Variants in PLXDC2 observed in about 807,000 individuals in gnomAD.
PLXDC2 encodes the protein plexin domain-containing protein 2.
In PLXDC2, 40 loss-of-function variants were observed where a neutral mutation model predicts 68.9. That is an observed-to-expected ratio of 0.58 (90% CI 0.45 to 0.76). The LOEUF is 0.76. Ranked by LOEUF, PLXDC2 falls within the 30% of genes least tolerant of loss-of-function variation. PLXDC2 has a pLI of 0.00. For synonymous variants in PLXDC2, 243 were observed against 234.2 expected (o/e 1.04, Z -0.34); for missense variants, 644 against 661.9 (o/e 0.97, Z 0.30).
intron 3 of PLXDC2, among the ~76,000 whole-genome samples, chr10:20,054,183 CA>C (rs1835953228): frequency 6.6e-6 from 1 of 151,824 alleles, no homozygotes; most frequent in South Asian, 2.1e-4. Context: ...TGATTGTGCC[CA>C]AACTGAGTTG....
chr10:19,922,637 T>A (rs1365312463), intron 1 of PLXDC2, among the ~76,000 whole-genome samples: 2 of 152,192 alleles, frequency 1.3e-5, no homozygotes, highest in Non-Finnish European at 2.9e-5. Flanking sequence ...TACGGCTTAG[T>A]TGTATGGAAC....
chr10:19,966,505 T>G (rs1834267039), intron 1 of PLXDC2, among the ~76,000 whole-genome samples: 1 of 124,876 alleles, frequency 8.0e-6, no homozygotes, highest in Non-Finnish European at 1.7e-5. Flanking sequence ...ATGATATAGA[T>G]ATAGAAATAG....
Position 20,081,527 on chromosome 10 carries a change from A to G in PLXDC2, c.541+13288A>G, listed in dbSNP as rs980599300. Among the ~76,000 whole-genome samples the G allele has an allele frequency of 3.3e-5, 5 of 152,182 alleles. No homozygotes were observed. In the East Asian group the frequency reaches 9.6e-4, roughly 29 times the overall value. On this transcript the variant is annotated intron_variant, in intron 4 of 13. Transcript: ENST00000377252. ...GAATATCAGAAGAGAAGAAAAAGAGAAAGAATAAATGTTTGAAATAATAGC... is the reference window on the plus strand; with the variant it reads ...GAATATCAGAAGAGAAGAAAAAGAGGAAGAATAAATGTTTGAAATAATAGC...
At chr10:20,273,661 A>G (rs1835968274) in intron 13 of PLXDC2, among the ~76,000 whole-genome samples, 1 of 152,224 alleles carries the variant, frequency 6.6e-6, no homozygotes, top group African/African-American at 2.4e-5. Context: ...TAAAATACCA[A>G]GAAACATCTG....
intron 9 of PLXDC2, among the ~76,000 whole-genome samples, chr10:20,194,033 T>C (rs1225417578): frequency 6.6e-6 from 1 of 152,012 alleles, no homozygotes; most frequent in African/African-American, 2.4e-5. Context: ...TCTTAGAAAC[T>C]GACCCAGGCA....
chr10:20,176,796 C>T (rs898778006), intron 7 of PLXDC2, among the ~76,000 whole-genome samples: 2 of 152,094 alleles, frequency 1.3e-5, no homozygotes, highest in African/African-American at 4.8e-5. Flanking sequence ...CTAATCAACA[C>T]TTTCAACTTC....
chr10:19,827,153 G>A (rs1836588090), intron 1 of PLXDC2, among the ~76,000 whole-genome samples: 1 of 152,134 alleles, frequency 6.6e-6, no homozygotes, highest in Non-Finnish European at 1.5e-5. Context: ...TTGTGAAAGG[G>A]CTACTCCAAA....
intron 9 of PLXDC2, among the ~76,000 whole-genome samples, chr10:20,197,815 A>G (rs1449855443): frequency 1.3e-5 from 2 of 152,014 alleles, no homozygotes; most frequent in African/African-American, 4.8e-5. Context: ...GTTTCTAAAG[A>G]GGTTGAAGAT....
At chr10:19,946,315 T>G (rs1387215693) in intron 1 of PLXDC2, among the ~76,000 whole-genome samples, 1 of 152,066 alleles carries the variant, frequency 6.6e-6, no homozygotes, top group Non-Finnish European at 1.5e-5. Context: ...TCTCTATAAC[T>G]TTTCTTTCTG....
intron 1 of PLXDC2, among the ~76,000 whole-genome samples, chr10:19,966,799 C>T (rs534137882): frequency 8.1e-5 from 10 of 123,234 alleles, no homozygotes; most frequent in African/African-American, 1.4e-4. Flanking sequence ...GAGAACGGTT[C>T]GCGTTACCAT....
At chr10:19,886,307 C>G (rs1293013850) in intron 1 of PLXDC2, among the ~76,000 whole-genome samples, 1 of 152,138 alleles carries the variant, frequency 6.6e-6, no homozygotes, top group Non-Finnish European at 1.5e-5. Flanking sequence ...CAAACAGGGA[C>G]AATTTGACTT....
Position 20,176,943 on chromosome 10 carries a change from G to A in PLXDC2, c.884-56G>A. The stretch of plus-strand genomic sequence containing the variant: ...ATTCTATATCCATTATTAAAATGCT[G>A]TTGTTTTGTAAGCGAGGAAAGGTTA... On this transcript the variant is annotated intron_variant, in intron 7 of 13. Coordinates refer to ENST00000377252, the MANE Select transcript of PLXDC2 (RefSeq NM_032812.9). 10 of 1,299,564 alleles carry A rather than the reference G, an allele frequency of 7.7e-6. No individual in the cohort carries two copies. The African/African-American group carries it at 1.2e-4, about 15-fold the overall frequency. The allele number at this position is 1,299,564 out of a possible 1,614,324, so 80.5% of individuals were successfully genotyped here. A position where few individuals can be genotyped will look rare whatever the true frequency, so the allele number is the denominator to read the frequency against.
intron 4 of PLXDC2, among the ~76,000 whole-genome samples, chr10:20,072,636 G>C (rs1286084890): frequency 6.6e-6 from 1 of 152,192 alleles, no homozygotes; most frequent in Non-Finnish European, 1.5e-5. Flanking sequence ...ATCTGTCAGT[G>C]GAAGGCAGGT....
At chr10:20,118,185 ATTCCT>A (rs2131756276) in intron 4 of PLXDC2, among the ~76,000 whole-genome samples, 1 of 152,086 alleles carries the variant, frequency 6.6e-6, no homozygotes, top group South Asian at 2.1e-4. Flanking sequence ...TGTGGTATAA[ATTCCT>A]TTCTTTTCTC....
At chr10:20,255,163 A>AGATG (rs1370495201) in intron 13 of PLXDC2, among the ~76,000 whole-genome samples, 1 of 149,890 alleles carries the variant, frequency 6.7e-6, no homozygotes, top group Non-Finnish European at 1.5e-5. Flanking sequence ...ATAGATGGAT[A>AGATG]GATGGATGGA....
chr10:19,981,521 T>C (rs1834549031), intron 1 of PLXDC2, among the ~76,000 whole-genome samples: 2 of 152,200 alleles, frequency 1.3e-5, no homozygotes, highest in Admixed American at 6.5e-5. Context: ...CAGCAGAATC[T>C]TAGCAGAAGG....
At chr10:19,979,577 G>T (rs1834516258) in intron 1 of PLXDC2, among the ~76,000 whole-genome samples, 1 of 152,018 alleles carries the variant, frequency 6.6e-6, no homozygotes, top group South Asian at 2.1e-4. Flanking sequence ...TTGCCATTTT[G>T]GCCAGGCTGG....
At chr10:19,891,664 G>T (rs1411464097) in intron 1 of PLXDC2, among the ~76,000 whole-genome samples, 1 of 152,156 alleles carries the variant, frequency 6.6e-6, no homozygotes, top group Non-Finnish European at 1.5e-5. Flanking sequence ...CCCTTGGGAG[G>T]TCGGTAACCT....
At chr10:20,184,371 A>G (rs1017165548) in intron 9 of PLXDC2, among the ~76,000 whole-genome samples, 6 of 148,024 alleles carry the variant, frequency 4.1e-5, no homozygotes, top group African/African-American at 1.2e-4. Context: ...TATGTAATAT[A>G]TAAATTATAT....
Sources: gnomAD v4.1 joint callset for allele counts (sites outside exome capture counted in the v4.1 genomes callset) on GRCh38, gnomAD v4.1.1 for gene constraint, MANE v1.5 for transcripts, NCBI Gene and HGNC (gene_info 2026-07-23, HGNC 2026-07-21) for gene names.